The following KANK1 variants were observed in gnomAD, a reference collection of about 807,000 sequenced individuals.
The protein encoded by KANK1 is KN motif and ankyrin repeat domains 1, also known as KN motif and ankyrin repeat domain-containing protein 1.
KANK1 carries 109 observed loss-of-function variants against 106.2 expected under a neutral mutation model. That is an observed-to-expected ratio of 1.03 (90% CI 0.88 to 1.20). KANK1 has a LOEUF of 1.20. KANK1 is among the 50% of genes most tolerant of loss of function. KANK1 has a pLI of 0.00. For synonymous variants in KANK1, 873 were observed against 652.2 expected (o/e 1.34, Z -5.16); for missense variants, 2,399 against 1,710.7 (o/e 1.40, Z -7.10).
chr9:497,985 C>T (rs1291565558), intron 3 of KANK1, among the ~76,000 whole-genome samples: 1 of 152,182 alleles, frequency 6.6e-6, no homozygotes, highest in Non-Finnish European at 1.5e-5. Flanking sequence ...GTCTTCCTTG[C>T]TCCCTCCTGA....
chr9:572,429 G>A (rs1294482529), intron 1 of KANK1, among the ~76,000 whole-genome samples: 1 of 152,094 alleles, frequency 6.6e-6, no homozygotes, highest in Admixed American at 6.6e-5. Context: ...GTGGGTTCCT[G>A]TAGTCCCAGC....
intron 1 of KANK1, among the ~76,000 whole-genome samples, chr9:521,173 C>A (rs1323116072): frequency 6.6e-6 from 1 of 151,666 alleles, no homozygotes; most frequent in African/African-American, 2.4e-5. Flanking sequence ...TAAAGTCATA[C>A]ATTGCTGTGA....
At chr9:692,399 C>G (rs1020589083) in intron 2 of KANK1, among the ~76,000 whole-genome samples, 1 of 151,898 alleles carries the variant, frequency 6.6e-6, no homozygotes, top group Non-Finnish European at 1.5e-5. Context: ...AAACTAAAAA[C>G]AAAGTTTCAA....
At chr9:511,742 C>G (rs1278290184) in intron 1 of KANK1, among the ~76,000 whole-genome samples, 3 of 152,150 alleles carry the variant, frequency 2.0e-5, no homozygotes, top group African/African-American at 4.8e-5. Flanking sequence ...AAAAACAAAA[C>G]TCATCATTCT....
intron 1 of KANK1, among the ~76,000 whole-genome samples, chr9:616,084 C>T (rs1588279107): frequency 1.3e-5 from 2 of 152,272 alleles, no homozygotes; most frequent in South Asian, 2.1e-4. Context: ...CAGCATCAGC[C>T]GAGCACCACA....
At chr9:615,652 A>G (rs1174217415) in intron 1 of KANK1, among the ~76,000 whole-genome samples, 1 of 152,102 alleles carries the variant, frequency 6.6e-6, no homozygotes, top group Non-Finnish European at 1.5e-5. Context: ...CTTTCAGTTT[A>G]TTTTCCCTGG....
At chr9:536,000 T>C (rs73371010) in intron 1 of KANK1, among the ~76,000 whole-genome samples, 1 of 152,136 alleles carries the variant, frequency 6.6e-6, no homozygotes. Context: ...TAAAGTCTTT[T>C]AGTTTTCTAT....
rs78980218 is a variant in KANK1, at chr9:559,942, A to G, written c.-84+55188A>G. On this transcript the variant is annotated intron_variant, in intron 1 of 11. Coordinates refer to ENST00000382297, the MANE Select transcript of KANK1 (RefSeq NM_015158.5). ...TTCTTAAGCATTTTTACCATGTATTATAGTTATTTGTATTGTAGTTACGTG... is the reference window on the plus strand; with the variant it reads ...TTCTTAAGCATTTTTACCATGTATTGTAGTTATTTGTATTGTAGTTACGTG... 6.4e-3 allele frequency among the ~76,000 whole-genome samples: 978 copies of G among 152,246 alleles called. 5 individuals carry two copies. The highest frequency in any genetic ancestry group is 0.011 in the Non-Finnish European group (743 of 68,008).
At chr9:696,491 G>A (rs1401092133) in intron 2 of KANK1, among the ~76,000 whole-genome samples, 2 of 152,286 alleles carry the variant, frequency 1.3e-5, no homozygotes, top group Non-Finnish European at 1.5e-5. Context: ...AGGTATCTGG[G>A]TTGGGCCCTT....
chr9:608,065 C>G lies in KANK1; in HGVS notation c.-83-68825C>G, dbSNP rs543761877. On this transcript the variant is annotated intron_variant, in intron 1 of 11. Coordinates refer to ENST00000382297, the MANE Select transcript of KANK1 (RefSeq NM_015158.5). ...TTTTTTTTTGAGACGGAGTCTCGCT[C>G]TGTCGCCCAGGCCGGACTGCGGACT... Among the ~76,000 whole-genome samples, 459 of 134,254 alleles carry G rather than the reference C, an allele frequency of 3.4e-3. 13 individuals carry two copies. Among genetic ancestry groups the G allele is most frequent in the African/African-American group, 0.013 (433 of 33,630 alleles). The allele number at this position is 134,254 out of a possible 152,430, so 88.1% of individuals were successfully genotyped here.
chr9:713,263 C>T lies in KANK1; in HGVS notation c.2497C>T (p.Leu833=), dbSNP rs1286844207. The part of the protein sequence containing the change: ...LDHYIERIQK[L]LAEQQTLLAE... The stretch of plus-strand genomic sequence containing the variant: ...TCACTACATTGAGCGTATCCAGAAG[C>T]TGCTGGCAGAACAGCAGACACTGCT... Residue 833 remains leucine (L), a synonymous_variant, in exon 3 of 12, where the codon CTG becomes TTG. Coordinates refer to ENST00000382297, the MANE Select transcript of KANK1 (RefSeq NM_015158.5). The T allele has an allele frequency of 6.2e-7, 1 of 1,611,808 alleles. No homozygotes were observed. Among genetic ancestry groups the T allele is most frequent in the South Asian group, 1.1e-5 (1 of 90,566 alleles).
At chr9:624,945 C>G (rs558277230) in intron 1 of KANK1, among the ~76,000 whole-genome samples, 1 of 152,304 alleles carries the variant, frequency 6.6e-6, no homozygotes, top group South Asian at 2.1e-4. Flanking sequence ...TTGACTTGGA[C>G]TTACTTTATG....
At chr9:582,460 G>T (rs1241042406) in intron 1 of KANK1, among the ~76,000 whole-genome samples, 1 of 152,012 alleles carries the variant, frequency 6.6e-6, no homozygotes, top group Non-Finnish European at 1.5e-5. Context: ...TAATATTCCT[G>T]CAAAGAAACT....
chr9:490,251 C>T (rs1312261059), intron 3 of KANK1, among the ~76,000 whole-genome samples: 1 of 152,154 alleles, frequency 6.6e-6, no homozygotes, highest in Non-Finnish European at 1.5e-5. Context: ...CCTATAATCC[C>T]AGTACTTTGG....
intron 1 of KANK1, among the ~76,000 whole-genome samples, chr9:521,025 A>G (rs991782996): frequency 6.6e-6 from 1 of 151,812 alleles, no homozygotes; most frequent in African/African-American, 2.4e-5. Flanking sequence ...AATAAAATTT[A>G]TTAAGGCCTC....
intron 1 of KANK1, among the ~76,000 whole-genome samples, chr9:580,933 G>T (rs546723223): frequency 6.6e-6 from 1 of 152,214 alleles, no homozygotes; most frequent in Non-Finnish European, 1.5e-5. Context: ...GGCAGCTGAG[G>T]CCTGGTGAGA....
intron 1 of KANK1, among the ~76,000 whole-genome samples, chr9:645,088 C>T (rs535609307): frequency 2.9e-5 from 4 of 138,214 alleles, no homozygotes; most frequent in Non-Finnish European, 4.5e-5. Flanking sequence ...CACACCACTG[C>T]ACTCCAGCCT....
chr9:569,387 G>A (rs762243976), intron 1 of KANK1, among the ~76,000 whole-genome samples: 3 of 151,964 alleles, frequency 2.0e-5, no homozygotes, highest in Admixed American at 2.0e-4. Flanking sequence ...ATCCATTCAT[G>A]GATTAATGGA....
intron 3 of KANK1, among the ~76,000 whole-genome samples, chr9:729,146 G>C (rs554704885): frequency 2.0e-5 from 3 of 152,038 alleles, no homozygotes; most frequent in Non-Finnish European, 2.9e-5. Context: ...AAATTGCTTC[G>C]GTCAGTATAC....
Sources: gnomAD v4.1 joint callset for allele counts (sites outside exome capture counted in the v4.1 genomes callset) on GRCh38, gnomAD v4.1.1 for gene constraint, MANE v1.5 for transcripts, NCBI Gene and HGNC (gene_info 2026-07-23, HGNC 2026-07-21) for gene names.